The following ZNF609 variants were observed in gnomAD, a reference collection of about 807,000 sequenced individuals.
ZNF609 encodes the protein zinc finger protein 609.
ZNF609 carries 11 observed loss-of-function variants against 109.5 expected under a neutral mutation model. The ratio of observed to expected loss-of-function variants is 0.10; its 90% CI spans 0.06 to 0.17. The LOEUF (loss-of-function observed/expected upper bound fraction) is 0.17. ZNF609 is among the 10% of genes least tolerant of loss of function. The pLI is 1.00. For synonymous variants in ZNF609, 646 were observed against 662.0 expected (o/e 0.98, Z 0.37); for missense variants, 1,559 against 1,772.4 (o/e 0.88, Z 2.16).
chr15:64,465,340 C>T lies in ZNF609; in HGVS notation c.-128+4502C>T, dbSNP rs1490756330. Among the ~76,000 whole-genome samples, 5 of 152,080 alleles carry T rather than the reference C, an allele frequency of 3.3e-5. No homozygotes were observed. The East Asian group carries it at 7.9e-4, about 24-fold the overall frequency. ...TTTTTATATTATGAATATATTTCCC[C>T]ACATGAAGTTTGCATCTCTTCGGTT... is the stretch of plus-strand genomic sequence containing the variant. On this transcript the variant is annotated intron_variant, in intron 1 of 9. Coordinates refer to ENST00000326648, the MANE Select transcript of ZNF609 (RefSeq NM_015042.2).
At chr15:64,540,589 A>G (rs1894234140) in intron 2 of ZNF609, among the ~76,000 whole-genome samples, 1 of 151,144 alleles carries the variant, frequency 6.6e-6, no homozygotes, top group Admixed American at 6.6e-5. Flanking sequence ...ATTTTTTAGT[A>G]GAGACGGGGT....
At position 64,473,191 on chromosome 15, in the gene ZNF609, C is replaced by CTTTTTTTT. The variant is rs951319279; in HGVS notation, c.-128+12370_-128+12377dup. ...TAAAACTTTTGACTCATATTTGGTT[C>CTTTTTTTT]TTTTTTTTTTTTTTTTTTTTTTTTG... On this transcript the variant is annotated intron_variant, in intron 1 of 9. Coordinates refer to ENST00000326648, the MANE Select transcript of ZNF609 (RefSeq NM_015042.2). 1.3e-3 allele frequency among the ~76,000 whole-genome samples: 99 copies of CTTTTTTTT among 76,066 alleles called. 11 individuals carry two copies. Among genetic ancestry groups the CTTTTTTTT allele is most frequent in the African/African-American group, 6.1e-3 (93 of 15,364 alleles). 49.9% of individuals were successfully genotyped at this position (76,066 alleles called of 152,430 possible).
chr15:64,659,193 A>G (rs916827798), intron 3 of ZNF609, among the ~76,000 whole-genome samples: 1 of 152,220 alleles, frequency 6.6e-6, no homozygotes, highest in Non-Finnish European at 1.5e-5. Flanking sequence ...CAAAAGAGGT[A>G]TAAAACGCGT....
intron 2 of ZNF609, among the ~76,000 whole-genome samples, chr15:64,547,474 T>C (rs1358168880): frequency 6.6e-6 from 1 of 152,226 alleles, no homozygotes; most frequent in African/African-American, 2.4e-5. Flanking sequence ...AGAATTGACA[T>C]GGCAGATGGG....
At chr15:64,512,568 T>C (rs781747189) in intron 2 of ZNF609, among the ~76,000 whole-genome samples, 1 of 152,162 alleles carries the variant, frequency 6.6e-6, no homozygotes, top group East Asian at 1.9e-4. Flanking sequence ...TCTGGATGCA[T>C]TCAAAGTAAA....
intron 1 of ZNF609, among the ~76,000 whole-genome samples, chr15:64,479,284 A>ATTTT (rs34496032): frequency 0.019 from 1,604 of 86,418 alleles, 61 homozygotes; most frequent in Middle Eastern, 0.029. Context: ...TACCTGTGTG[A>ATTTT]TTTTTTTTTT....
chr15:64,588,650 T>TG (rs1895243711), intron 2 of ZNF609, among the ~76,000 whole-genome samples: 2 of 142,240 alleles, frequency 1.4e-5, no homozygotes, highest in African/African-American at 5.1e-5. Context: ...TGGTCTGTAG[T>TG]CTTTTTTTTT....
intron 1 of ZNF609, among the ~76,000 whole-genome samples, chr15:64,472,552 A>G (rs969392181): frequency 6.6e-6 from 1 of 152,180 alleles, no homozygotes; most frequent in African/African-American, 2.4e-5. Flanking sequence ...ATTTTCATTC[A>G]TATGAATAGA....
chr15:64,553,269 T>TA lies in ZNF609; in HGVS notation c.747+53118dup, dbSNP rs111971556. ...TTTTAGATTCAGCTTGTCCATGCCT[T>TA]AAAAAAAAAAAAAAAGCCTACTGGG... On this transcript the variant is annotated intron_variant, in intron 2 of 9. Transcript: ENST00000326648. 1.9e-3 allele frequency among the ~76,000 whole-genome samples: 263 copies of TA among 140,530 alleles called. 1 individual carries two copies. The highest frequency in any genetic ancestry group is 0.014 in the East Asian group (68 of 4,826). The allele number at this position is 140,530 out of a possible 152,430, so 92.2% of individuals were successfully genotyped here. A position where few individuals can be genotyped will look rare whatever the true frequency, so the allele number is the denominator to read the frequency against.
At chr15:64,638,003 T>TA (rs1278962400) in intron 3 of ZNF609, among the ~76,000 whole-genome samples, 1 of 131,960 alleles carries the variant, frequency 7.6e-6, no homozygotes, top group Non-Finnish European at 1.7e-5. Context: ...TTTATATATA[T>TA]ATATATATAT....
Position 64,657,552 on chromosome 15 carries a change from T to G in ZNF609, c.974-12794T>G, listed in dbSNP as rs537611129. 2.5e-4 allele frequency among the ~76,000 whole-genome samples: 38 copies of G among 152,206 alleles called. No individual in the cohort carries two copies. The South Asian group carries it at 7.7e-3, about 31-fold the overall frequency. On this transcript the variant is annotated intron_variant, in intron 3 of 9. Transcript: ENST00000326648. ...TCACTTGAACCCCGTAGACGGAGGT[T>G]GCAGTGAGCTGAGATCGCGCTACTG...
At chr15:64,627,414 G>C (rs1353653846) in intron 3 of ZNF609, among the ~76,000 whole-genome samples, 1 of 152,036 alleles carries the variant, frequency 6.6e-6, no homozygotes, top group Non-Finnish European at 1.5e-5. Context: ...CTCCTTTTTG[G>C]ACAGTAGCAC....
Position 64,675,239 on chromosome 15 carries a change from C to T in ZNF609, c.2385C>T (p.Ile795=). The stretch of plus-strand genomic sequence containing the variant: ...GCATCAAGGCTGAAGCCGACAAGAT[C>T]TACAGTTTCACGGACAATGCCCCCA... ...LASIKAEADK[I]YSFTDNAPSP... is the part of the protein sequence containing the mutation. The change falls in exon 5 of 10, where the codon ATC becomes ATT. Residue 795 remains isoleucine, a synonymous_variant. Coordinates refer to ENST00000326648, the MANE Select transcript of ZNF609 (RefSeq NM_015042.2). 6.2e-7 allele frequency: 1 copy of T among 1,614,064 alleles called. No individual in the cohort carries two copies. The highest frequency in any genetic ancestry group is 8.5e-7 in the Non-Finnish European group (1 of 1,180,046).
chr15:64,545,639 T>C (rs1361301094), intron 2 of ZNF609, among the ~76,000 whole-genome samples: 8 of 152,184 alleles, frequency 5.3e-5, no homozygotes, highest in Admixed American at 1.3e-4. Context: ...ACGTTTTAAT[T>C]TCCCCAAGTT....
chr15:64,601,139 A>G (rs892918437), intron 2 of ZNF609, among the ~76,000 whole-genome samples: 1 of 152,138 alleles, frequency 6.6e-6, no homozygotes, highest in Non-Finnish European at 1.5e-5. Flanking sequence ...ATTGCCATTA[A>G]TTTTTTATGT....
chr15:64,520,410 T>C (rs1322048137), intron 2 of ZNF609, among the ~76,000 whole-genome samples: 2 of 152,214 alleles, frequency 1.3e-5, no homozygotes, highest in Non-Finnish European at 2.9e-5. Flanking sequence ...TTGTGGATGC[T>C]ATTTACATAA....
intron 2 of ZNF609, among the ~76,000 whole-genome samples, chr15:64,505,442 A>T (rs1448565869): frequency 1.3e-5 from 2 of 152,168 alleles, no homozygotes; most frequent in Non-Finnish European, 1.5e-5. Context: ...ACTGTTGGCT[A>T]ATTGTTATCA....
intron 1 of ZNF609, among the ~76,000 whole-genome samples, chr15:64,463,859 C>T (rs1892976077): frequency 6.6e-6 from 1 of 152,186 alleles, no homozygotes; most frequent in Admixed American, 6.5e-5. Context: ...AAGCTTTTTG[C>T]TCTTGGGCTC....
At chr15:64,490,045 A>G (rs1893390209) in intron 1 of ZNF609, among the ~76,000 whole-genome samples, 1 of 152,062 alleles carries the variant, frequency 6.6e-6, no homozygotes, top group African/African-American at 2.4e-5. Context: ...TGCAGCCTCA[A>G]CCTCTTGGGC....
Sources: allele counts gnomAD v4.1 joint callset (sites outside exome capture counted in the v4.1 genomes callset), GRCh38; gene constraint gnomAD v4.1.1; transcripts MANE v1.5; gene names NCBI Gene and HGNC (gene_info 2026-07-23, HGNC 2026-07-21).